The following ROR1 variants were observed in gnomAD, a reference collection of about 807,000 sequenced individuals.
The protein encoded by ROR1 is ROR family WNT receptor 1.
A neutral mutation model predicts 78.8 loss-of-function variants in ROR1; 19 were observed. The ratio of observed to expected loss-of-function variants is 0.24; its 90% CI spans 0.17 to 0.35. The LOEUF is 0.35. ROR1 is among the 10% of genes least tolerant of loss of function. The probability of loss-of-function intolerance (pLI) is 1.00; values close to 1 mark genes in which losing one functional copy is unlikely to be tolerated. For missense variants in ROR1, 917 were observed against 1,177.8 expected (o/e 0.78, Z 3.24); for synonymous variants, 386 against 433.6 (o/e 0.89, Z 1.36).
intron 8 of ROR1, among the ~76,000 whole-genome samples, chr1:64,173,866 C>T (rs1167620995): frequency 3.9e-5 from 6 of 152,190 alleles, no homozygotes; most frequent in Non-Finnish European, 8.8e-5. Flanking sequence ...CTCTTCCACA[C>T]GAGTTCTTGT....
At chr1:63,827,686 G>C (rs1488089863) in intron 1 of ROR1, among the ~76,000 whole-genome samples, 1 of 152,178 alleles carries the variant, frequency 6.6e-6, no homozygotes, top group Non-Finnish European at 1.5e-5. Flanking sequence ...GACCGAGGCT[G>C]GATATTGCCA....
chr1:64,075,344 C>T (rs1647040479), intron 4 of ROR1, among the ~76,000 whole-genome samples: 2 of 152,154 alleles, frequency 1.3e-5, no homozygotes, highest in South Asian at 4.1e-4. Flanking sequence ...TGCTTTTAGG[C>T]CCACCAGATC....
intron 1 of ROR1, among the ~76,000 whole-genome samples, chr1:63,796,461 A>T (rs535736188): frequency 1.3e-5 from 2 of 152,352 alleles, no homozygotes; most frequent in Admixed American, 1.3e-4. Context: ...TTTATATGCA[A>T]ATTAAAGAAC....
At chr1:64,050,080 G>C in intron 3 of ROR1, 102 bp downstream of exon 3, 1 of 1,305,282 alleles carries the variant, frequency 7.7e-7, no homozygotes, top group Non-Finnish European at 1.1e-6. Context: ...CACTTAGTGA[G>C]AATGTACTCT....
chr1:63,818,548 G>A (rs1020449669), intron 1 of ROR1, among the ~76,000 whole-genome samples: 1 of 152,132 alleles, frequency 6.6e-6, no homozygotes, highest in South Asian at 2.1e-4. Context: ...TTGATTGATG[G>A]CAATGGCCTG....
rs1239562880 is a variant in ROR1, at chr1:63,815,480, TTTTC to T, written c.91+40976_91+40979del. Among the ~76,000 whole-genome samples the T allele has an allele frequency of 9.7e-4, 136 of 139,716 alleles. 3 individuals are homozygous for T. The highest frequency in any genetic ancestry group is 4.2e-3 in the African/African-American group (134 of 31,754). The allele number at this position is 139,716 out of a possible 152,430, so 91.7% of individuals were successfully genotyped here. A position where few individuals can be genotyped will look rare whatever the true frequency, so the allele number is the denominator to read the frequency against. ...TTCTTTTTCTTTTCTTTTCTTTTCT[TTTTC>T]TTTTTTTTTTTTTTTTGAGTACTCA... On this transcript the variant is annotated intron_variant, in intron 1 of 8. Transcript: ENST00000371079.
At chr1:63,789,694 TTTGTC>T (rs1167513807) in intron 1 of ROR1, among the ~76,000 whole-genome samples, 2 of 150,934 alleles carry the variant, frequency 1.3e-5, no homozygotes, top group African/African-American at 4.9e-5. Context: ...TTTTTTTTTT[TTTGTC>T]TTTAAACAGG....
chr1:63,929,948 A>G (rs1645737619), intron 1 of ROR1, among the ~76,000 whole-genome samples: 1 of 152,180 alleles, frequency 6.6e-6, no homozygotes, highest in Non-Finnish European at 1.5e-5. Flanking sequence ...GTGAGTCTGT[A>G]GACAGAGTGT....
intron 1 of ROR1, among the ~76,000 whole-genome samples, chr1:63,957,702 T>C (rs896227848): frequency 2.6e-5 from 4 of 152,160 alleles, no homozygotes; most frequent in African/African-American, 9.7e-5. Context: ...GTTTTGTAAC[T>C]TGCTCTTTAA....
At chr1:64,009,980 G>C (rs1290898458) in intron 2 of ROR1, among the ~76,000 whole-genome samples, 1 of 152,098 alleles carries the variant, frequency 6.6e-6, no homozygotes, top group Non-Finnish European at 1.5e-5. Flanking sequence ...CTGCAGTCTG[G>C]CTCAATCTAC....
At chr1:64,171,731 C>G (rs1650248201) in intron 8 of ROR1, among the ~76,000 whole-genome samples, 1 of 152,114 alleles carries the variant, frequency 6.6e-6, no homozygotes, top group Non-Finnish European at 1.5e-5. Context: ...AGAGAACCAC[C>G]CTGGGCTCGA....
In ROR1 at chr1:64,003,267, T is replaced by C. The variant is rs1244012094; in HGVS notation, c.92-6038T>C. 4.6e-5 allele frequency among the ~76,000 whole-genome samples: 7 copies of C among 152,278 alleles called. No individual in the cohort carries two copies. In the East Asian group the frequency reaches 5.8e-4, roughly 13 times the overall value. ...TAATAGCACAAATTTTGATATATTA[T>C]GAATTTTTCTTCAACAAAGTAATGG... On this transcript the variant is annotated intron_variant, in intron 1 of 8. Transcript: ENST00000371079.
At chr1:64,078,236 T>G (rs1055946411) in intron 4 of ROR1, among the ~76,000 whole-genome samples, 5 of 152,146 alleles carry the variant, frequency 3.3e-5, no homozygotes, top group African/African-American at 1.2e-4. Flanking sequence ...GGAAAGGCCA[T>G]GCAAAGAAAA....
intron 1 of ROR1, among the ~76,000 whole-genome samples, chr1:63,921,161 A>T (rs931107368): frequency 1.3e-5 from 2 of 152,210 alleles, no homozygotes; most frequent in Admixed American, 6.5e-5. Flanking sequence ...AACTGCCAGT[A>T]TGGGTGTTTT....
intron 1 of ROR1, chr1:63,789,116 G>T: frequency 1.6e-6 from 1 of 611,738 alleles, no homozygotes. Flanking sequence ...TGTTTTCCTG[G>T]CATCGAGCCT....
chr1:64,174,999 CTAT>C (rs1650338667), intron 8 of ROR1, among the ~76,000 whole-genome samples: 1 of 148,050 alleles, frequency 6.8e-6, no homozygotes, highest in Admixed American at 6.7e-5. Flanking sequence ...GAAGATTCGC[CTAT>C]TGTTTTTTTT....
intron 4 of ROR1, chr1:64,094,428 A>T (rs909912550): frequency 6.6e-6 from 1 of 152,240 alleles, no homozygotes; most frequent in Non-Finnish European, 1.5e-5. Context: ...TGGAAAGAGA[A>T]CCAAGAAGAG....
At chr1:63,785,911 ACT>A (rs1644682141) in intron 1 of ROR1, among the ~76,000 whole-genome samples, 1 of 152,138 alleles carries the variant, frequency 6.6e-6, no homozygotes, top group African/African-American at 2.4e-5. Context: ...CGCTTTGCCC[ACT>A]CACATCTGGT....
chr1:64,019,016 C>A (rs1045282796), intron 2 of ROR1, among the ~76,000 whole-genome samples: 2 of 152,142 alleles, frequency 1.3e-5, no homozygotes, highest in Non-Finnish European at 2.9e-5. Context: ...TTGGTATCAC[C>A]TGGGGAATTT....
Sources: allele counts gnomAD v4.1 joint callset (sites outside exome capture counted in the v4.1 genomes callset), GRCh38; gene constraint gnomAD v4.1.1; transcripts MANE v1.5; gene names NCBI Gene and HGNC (gene_info 2026-07-23, HGNC 2026-07-21).